Variants in NCKAP5 observed in about 807,000 individuals in gnomAD.
NCKAP5 encodes the protein nck-associated protein 5.
Under a neutral mutation model 167.0 loss-of-function variants are expected in NCKAP5, and 92 were observed. The observed-to-expected ratio is 0.55, with a 90% CI of 0.47 to 0.66. The LOEUF (loss-of-function observed/expected upper bound fraction) is 0.66. Among genes scored for constraint, NCKAP5 ranks in the 30% least tolerant of loss-of-function variants. The pLI is 0.00. For synonymous variants in NCKAP5, 891 were observed against 877.4 expected (o/e 1.02, Z -0.27); for missense variants, 2,378 against 2,315.0 (o/e 1.03, Z -0.56).
chr2:133,002,612 T>G (rs2077825204), intron 6 of NCKAP5, among the ~76,000 whole-genome samples: 2 of 152,176 alleles, frequency 1.3e-5, no homozygotes, highest in Non-Finnish European at 2.9e-5. Flanking sequence ...TCCTGCCCAC[T>G]GGGTACTCTC....
chr2:133,043,726 A>G, intron 6 of NCKAP5, among the ~76,000 whole-genome samples: 1 of 152,196 alleles, frequency 6.6e-6, no homozygotes, highest in South Asian at 2.1e-4. Context: ...GCTCAGACTA[A>G]GTACGTAATA....
intron 19 of NCKAP5, among the ~76,000 whole-genome samples, chr2:132,706,121 A>T (rs534765770): frequency 5.3e-5 from 8 of 152,244 alleles, no homozygotes; most frequent in South Asian, 4.1e-4. Flanking sequence ...ACATTTTTTT[A>T]AAATAATTTT....
intron 5 of NCKAP5, among the ~76,000 whole-genome samples, chr2:133,199,225 A>G (rs1187728404): frequency 6.6e-6 from 1 of 151,546 alleles, no homozygotes; most frequent in East Asian, 1.9e-4. Context: ...TACAGAAAGC[A>G]TAAACTAGAA....
chr2:133,194,075 C>T (rs985723858), intron 5 of NCKAP5, among the ~76,000 whole-genome samples: 8 of 152,040 alleles, frequency 5.3e-5, no homozygotes, highest in African/African-American at 1.4e-4. Flanking sequence ...TATACATATA[C>T]ACCCGCATAT....
intron 3 of NCKAP5, among the ~76,000 whole-genome samples, chr2:133,342,639 C>T (rs573033545): frequency 2.0e-5 from 3 of 152,116 alleles, no homozygotes; most frequent in Non-Finnish European, 4.4e-5. Context: ...AACAATACCC[C>T]CTCCAGCCAC....
At position 133,099,563 on chromosome 2, in the gene NCKAP5, G is replaced by A. The variant is rs762188089; in HGVS notation, c.341+30415C>T. 6.6e-4 allele frequency among the ~76,000 whole-genome samples: 100 copies of A among 152,068 alleles called. 2 individuals are homozygous for A. Among genetic ancestry groups the A allele is most frequent in the Non-Finnish European group, 1.8e-4 (12 of 68,014 alleles). On this transcript the variant is annotated intron_variant, in intron 6 of 19. Coordinates refer to ENST00000409261, the MANE Select transcript of NCKAP5 (RefSeq NM_207363.3). ...CTAGCTGTTGATCTCTGCTAAATTT[G>A]CCCCATGTAGCTTCTAAAAACACAG...
intron 11 of NCKAP5, among the ~76,000 whole-genome samples, chr2:132,829,347 A>C (rs574753675): frequency 1.3e-5 from 2 of 152,260 alleles, no homozygotes; most frequent in African/African-American, 4.8e-5. Flanking sequence ...AATGAATGAG[A>C]TGATTCCTAA....
intron 3 of NCKAP5, among the ~76,000 whole-genome samples, chr2:133,363,754 G>GATGAATGGATAGATGGGTGGATGGATGA (rs1259574819): frequency 7.9e-5 from 12 of 152,000 alleles, no homozygotes; most frequent in Non-Finnish European, 1.6e-4. Context: ...TGGACTTTTG[G>GATGAATGGATAGATGGGTGGATGGATGA]ATGAATGGAT....
chr2:133,262,183 G>A (rs1380963723), intron 4 of NCKAP5, among the ~76,000 whole-genome samples: 2 of 152,174 alleles, frequency 1.3e-5, no homozygotes, highest in Non-Finnish European at 2.9e-5. Context: ...ACAGGTTAGA[G>A]AGATTCATAA....
chr2:133,547,379 G>C (rs1184953839), intron 2 of NCKAP5, among the ~76,000 whole-genome samples: 1 of 151,960 alleles, frequency 6.6e-6, no homozygotes, highest in African/African-American at 2.4e-5. Flanking sequence ...GCCCACCACA[G>C]CTCAAGGAGG....
At chr2:133,466,344 G>A (rs1397446262) in intron 3 of NCKAP5, among the ~76,000 whole-genome samples, 2 of 149,840 alleles carry the variant, frequency 1.3e-5, no homozygotes, top group Non-Finnish European at 3.0e-5. Context: ...ATTTCTGAGG[G>A]CTCTGTTCTG....
At chr2:132,902,164 G>A (rs1693677495) in intron 8 of NCKAP5, among the ~76,000 whole-genome samples, 1 of 152,146 alleles carries the variant, frequency 6.6e-6, no homozygotes, top group Non-Finnish European at 1.5e-5. Context: ...CCATTTGTCT[G>A]TACTGGAATG....
At chr2:133,150,340 A>G (rs1054691818) in intron 5 of NCKAP5, among the ~76,000 whole-genome samples, 3 of 152,158 alleles carry the variant, frequency 2.0e-5, no homozygotes, top group Non-Finnish European at 2.9e-5. Context: ...AAAACAAGCA[A>G]AGTGTATCTA....
intron 4 of NCKAP5, among the ~76,000 whole-genome samples, chr2:133,231,103 C>T (rs866796938): frequency 1.3e-5 from 2 of 152,194 alleles, no homozygotes; most frequent in South Asian, 2.1e-4. Flanking sequence ...CGAAGGTCTT[C>T]GAGAACAATA....
intron 4 of NCKAP5, among the ~76,000 whole-genome samples, chr2:133,255,042 C>T (rs377727757): frequency 1.1e-3 from 161 of 152,020 alleles, no homozygotes; most frequent in African/African-American, 3.7e-3. Context: ...AAAAAGTTTT[C>T]TTTTATAAAA....
At chr2:133,311,069 A>G (rs1255368714) in intron 3 of NCKAP5, among the ~76,000 whole-genome samples, 1 of 152,172 alleles carries the variant, frequency 6.6e-6, no homozygotes, top group African/African-American at 2.4e-5. Flanking sequence ...TTCTGACACG[A>G]TCTACCTGGA....
At chr2:132,758,190 T>C (rs990068586) in intron 16 of NCKAP5, among the ~76,000 whole-genome samples, 9 of 152,206 alleles carry the variant, frequency 5.9e-5, no homozygotes, top group Non-Finnish European at 1.2e-4. Flanking sequence ...GATGTTGGGC[T>C]TTCCTTTGTG....
chr2:133,166,024 T>G (rs563085519), intron 5 of NCKAP5, among the ~76,000 whole-genome samples: 2 of 152,210 alleles, frequency 1.3e-5, no homozygotes, highest in Non-Finnish European at 2.9e-5. Context: ...GTCTTTGTTT[T>G]CAGGGACCGC....
chr2:133,168,185 T>A (rs1255348445), intron 5 of NCKAP5, among the ~76,000 whole-genome samples: 1 of 152,136 alleles, frequency 6.6e-6, no homozygotes, highest in Non-Finnish European at 1.5e-5. Flanking sequence ...ACAGCCTGGC[T>A]CTTGAGCCCA....
Sources: gnomAD v4.1 joint callset for allele counts (sites outside exome capture counted in the v4.1 genomes callset) on GRCh38, gnomAD v4.1.1 for gene constraint, MANE v1.5 for transcripts, NCBI Gene and HGNC (gene_info 2026-07-23, HGNC 2026-07-21) for gene names.